CDH19: variants seen among roughly 807,000 people sequenced by gnomAD.
CDH19 encodes the protein cadherin 19.
A neutral mutation model predicts 64.2 loss-of-function variants in CDH19; 67 were observed. The observed-to-expected ratio is 1.04, with a 90% CI of 0.86 to 1.28. The LOEUF (loss-of-function observed/expected upper bound fraction) is 1.28, where lower values mean the gene tolerates loss of function less well. CDH19 is among the 50% of genes most tolerant of loss of function. The probability of loss-of-function intolerance (pLI) is 0.00; values close to 1 mark genes in which losing one functional copy is unlikely to be tolerated. For synonymous variants in CDH19, 346 were observed against 319.3 expected, an observed-to-expected ratio of 1.08 and a Z score of -0.89; for missense variants, 1,030 against 929.0, an observed-to-expected ratio of 1.11 and a Z score of -1.41.
Position 66,534,930 on chromosome 18 carries a change from G to T in CDH19, c.1336+56C>A, listed in dbSNP as rs971390373. 6 of 1,263,958 alleles carry T rather than the reference G, an allele frequency of 4.7e-6. No homozygotes were observed. The Admixed American group carries it at 1.6e-4, about 33-fold the overall frequency. The allele number at this position is 1,263,958 out of a possible 1,614,324, so 78.3% of individuals were successfully genotyped here. A position where few individuals can be genotyped will look rare whatever the true frequency, so the allele number is the denominator to read the frequency against. ...GCCTTGTCCCCATGTATAGAAATTT[G>T]TAATTATTTACAAAATATGGCAAAC... is the stretch of plus-strand genomic sequence containing the variant. On this transcript the variant is annotated intron_variant, in intron 8 of 11. Coordinates refer to ENST00000262150, the MANE Select transcript of CDH19 (RefSeq NM_021153.4).
intron 11 of CDH19, among the ~76,000 whole-genome samples, chr18:66,505,927 A>G (rs6566214): frequency 0.32 from 48,528 of 151,832 alleles, 9,396 homozygotes; most frequent in African/African-American, 0.54. Flanking sequence ...ACTGAAGCAC[A>G]CAGATGTTAA....
chr18:66,505,061 G>A lies in CDH19; in HGVS notation c.2070C>T (p.Pro690=), dbSNP rs200750075. 38 of 1,613,566 alleles carry A rather than the reference G, an allele frequency of 2.4e-5. No homozygotes were observed. The highest frequency in any genetic ancestry group is 2.7e-5 in the Non-Finnish European group (32 of 1,179,794). Residue 690 remains proline (P), a synonymous_variant, in exon 12 of 12, where the codon CCC becomes CCT. Coordinates refer to ENST00000262150, the MANE Select transcript of CDH19 (RefSeq NM_021153.4). ...SLYRQSLQVG[P]DSAIFRKFIL... ...TGAATTTCCTGAATATGGCACTGTC[G>A]GGGCCAACTTGCAAAGACTGCCTGT...
chr18:66,534,319 G>A (rs1474739955), intron 8 of CDH19, among the ~76,000 whole-genome samples: 2 of 151,674 alleles, frequency 1.3e-5, no homozygotes, highest in African/African-American at 2.4e-5. Context: ...TCATTGTATC[G>A]CAAATAATAT....
intron 9 of CDH19, among the ~76,000 whole-genome samples, chr18:66,521,531 G>T (rs201425436): frequency 0.39 from 55,573 of 142,696 alleles, 10,851 homozygotes; most frequent in South Asian, 0.46. Context: ...TATTTTGTTT[G>T]TTTGTTTGTT....
chr18:66,517,701 C>G (rs1185905099), intron 9 of CDH19, among the ~76,000 whole-genome samples: 3 of 151,956 alleles, frequency 2.0e-5, no homozygotes, highest in Non-Finnish European at 4.4e-5. Flanking sequence ...GCCATTTTCT[C>G]TGGCTGTTTG....
rs1328461589 is a variant in CDH19 at position 66,554,421 on chromosome 18, A to G, written c.594T>C (p.Ser198=). The G allele has an allele frequency of 6.2e-7, 1 of 1,611,760 alleles. No individual in the cohort carries two copies. Among genetic ancestry groups the G allele is most frequent in the Admixed American group, 1.7e-5 (1 of 59,778 alleles). ...YSLLQGQPYF[S]VEPTTGVIRI... ...CACAAATACCTGTTGTTGGTTCAAC[A>G]GAAAAATATGGCTGGCCTTGAAGTA... Residue 198 remains serine, a synonymous_variant, in exon 4 of 12, where the codon TCT becomes TCC. Coordinates refer to ENST00000262150, the MANE Select transcript of CDH19 (RefSeq NM_021153.4).
chr18:66,544,583 T>C, intron 6 of CDH19, 136 bp downstream of exon 6: 1 of 596,842 alleles, frequency 1.7e-6, no homozygotes, highest in South Asian at 2.8e-5. Context: ...ATCTCTAAAA[T>C]CCTTGTCTCC....
rs779020171 is a variant in CDH19 at position 66,505,216 on chromosome 18, A to G, written c.1915T>C (p.Phe639Leu). The G allele has an allele frequency of 6.2e-7, 1 of 1,610,770 alleles. No homozygotes were observed. The highest frequency in any genetic ancestry group is 8.5e-7 in the Non-Finnish European group (1 of 1,178,830). Residue 639 changes from phenylalanine to leucine, a missense_variant, in exon 12 of 12, where the codon TTC becomes CTC. Transcript: ENST00000262150. Reference protein sequence around the residue: ...EKSEDFRENIFQYDDEGGGEE... With the variant: ...EKSEDFRENILQYDDEGGGEE... Reference sequence around the variant, plus strand: ...CCACCCCCTTCATCATCATATTGGAATATATTCTCTCTGAAATCTTCACTT... The same window carrying G: ...CCACCCCCTTCATCATCATATTGGAGTATATTCTCTCTGAAATCTTCACTT...
intron 4 of CDH19, among the ~76,000 whole-genome samples, chr18:66,551,901 G>A (rs1288460182): frequency 1.3e-5 from 2 of 151,928 alleles, no homozygotes; most frequent in Non-Finnish European, 2.9e-5. Context: ...GTTCATAAGA[G>A]AGGACTCAAC....
chr18:66,569,568 T>C (rs573021057), intron 2 of CDH19, among the ~76,000 whole-genome samples: 1 of 151,768 alleles, frequency 6.6e-6, no homozygotes, highest in East Asian at 1.9e-4. Flanking sequence ...GTGCACTCAT[T>C]TTCATATTTT....
chr18:66,537,957 T>A (rs921676013), intron 7 of CDH19, among the ~76,000 whole-genome samples: 4 of 152,106 alleles, frequency 2.6e-5, no homozygotes, highest in African/African-American at 7.2e-5. Context: ...CAGATTTCAA[T>A]CCAGTGTGAC....
At chr18:66,583,084 CCTAA>C (rs1988472077) in intron 1 of CDH19, among the ~76,000 whole-genome samples, 1 of 151,976 alleles carries the variant, frequency 6.6e-6, no homozygotes, top group African/African-American at 2.4e-5. Flanking sequence ...TGAAGATTTG[CCTAA>C]AACACCTTTA....
Position 66,568,443 on chromosome 18 carries a change from C to A in CDH19, c.463G>T (p.Ala155Ser), listed in dbSNP as rs145260504. The change falls in exon 3 of 12, where the codon GCC becomes TCC. Residue 155 changes from alanine to serine, a missense_variant. By Grantham distance (99) the Ala-to-Ser change is moderately conservative. Transcript: ENST00000262150. ...EPKFLDEPYEAIVPEMSPEGT... is the reference protein window; with the variant it reads ...EPKFLDEPYESIVPEMSPEGT... ...TCTGGAGACATCTCTGGTACAATGG[C>A]CTCATAAGGTTCATCTAGGAATTTT... 1.3e-4 allele frequency: 212 copies of A among 1,611,550 alleles called. 1 individual carries two copies. The East Asian group carries it at 4.6e-3, about 35-fold the overall frequency.
At chr18:66,511,451 A>T (rs1167043835) in intron 10 of CDH19, 117 bp downstream of exon 10, 1 of 563,572 alleles carries the variant, frequency 1.8e-6, no homozygotes, top group African/African-American at 2.0e-5. Context: ...CTTTTGCTTG[A>T]TTTCCAAACA....
chr18:66,527,142 A>G (rs1414596263), intron 9 of CDH19, among the ~76,000 whole-genome samples: 1 of 151,362 alleles, frequency 6.6e-6, no homozygotes, highest in African/African-American at 2.4e-5. Context: ...TTAAATATCT[A>G]TTATATATTG....
chr18:66,523,027 A>C (rs1467788131), intron 9 of CDH19, among the ~76,000 whole-genome samples: 1 of 152,168 alleles, frequency 6.6e-6, no homozygotes, highest in African/African-American at 2.4e-5. Flanking sequence ...AAATGAGATG[A>C]AGTTTTAATA....
In CDH19 at chr18:66,501,463, G is replaced by C. The variant is rs1176899340; in HGVS notation, c.*3349C>G. The C allele has an allele frequency of 6.6e-6, 1 of 152,166 alleles. No homozygotes were observed. The highest frequency in any genetic ancestry group is 1.5e-5 in the Non-Finnish European group (1 of 68,064). 9.4% of individuals were successfully genotyped at this position (152,166 alleles called of 1,614,324 possible). On this transcript the variant is annotated 3_prime_UTR_variant, in exon 12 of 12. Coordinates refer to ENST00000262150, the MANE Select transcript of CDH19 (RefSeq NM_021153.4). ...TGGAAAATAGAAGTGTTTGAAGGAA[G>C]ATTGCTTTAGTAACTGAGGAGGAGA...
chr18:66,591,847 T>G (rs1599041984), intron 1 of CDH19, among the ~76,000 whole-genome samples: 3 of 151,894 alleles, frequency 2.0e-5, no homozygotes, highest in African/African-American at 7.2e-5. Flanking sequence ...TCAGATTATG[T>G]GGCTTCAGTG....
chr18:66,508,747 T>G (rs996872235), intron 11 of CDH19, among the ~76,000 whole-genome samples: 2 of 20,184 alleles, frequency 9.9e-5, no homozygotes, highest in African/African-American at 2.9e-4. Context: ...TAAACAGATG[T>G]GTACATACAT....
Sources: allele counts gnomAD v4.1 joint callset (sites outside exome capture counted in the v4.1 genomes callset), GRCh38; gene constraint gnomAD v4.1.1; transcripts MANE v1.5; gene names NCBI Gene and HGNC (gene_info 2026-07-23, HGNC 2026-07-21).